Variants in C11orf65 observed in about 807,000 individuals in gnomAD.
C11orf65 encodes chromosome 11 open reading frame 65.
A neutral mutation model predicts 35.3 loss-of-function variants in C11orf65; 38 were observed. The ratio of observed to expected loss-of-function variants is 1.08; its 90% CI spans 0.83 to 1.41. The LOEUF (loss-of-function observed/expected upper bound fraction) is 1.41, where lower values mean the gene tolerates loss of function less well. Among genes scored for constraint, C11orf65 ranks in the 40% most tolerant of loss-of-function variants. The pLI, the probability that C11orf65 is intolerant of heterozygous loss-of-function variation, is 0.00. For missense variants in C11orf65, 370 were observed against 367.1 expected, an observed-to-expected ratio of 1.01 and a Z score of -0.06; for synonymous variants, 105 against 114.4, an observed-to-expected ratio of 0.92 and a Z score of 0.53.
downstream of C11orf65, chr11:108,330,155 T>A (rs2086102318): frequency 2.6e-6 from 4 of 1,547,348 alleles, no homozygotes; most frequent in Non-Finnish European, 3.5e-6. Flanking sequence ...TCATGTGTGA[T>A]TTTGTAGTTC....
intron 3 of C11orf65, among the ~76,000 whole-genome samples, chr11:108,429,012 T>C (rs560411989): frequency 2.8e-4 from 43 of 152,160 alleles, no homozygotes; most frequent in African/African-American, 1.0e-3. Flanking sequence ...CTGGGCATGG[T>C]GGCATGTGCC....
chr11:108,336,041 A>C (rs2086816780), intron 2 of C11orf65: 1 of 1,096,174 alleles, frequency 9.1e-7, no homozygotes, highest in African/African-American at 1.6e-5. Flanking sequence ...TCATGCCCAT[A>C]TTCATAATGC....
chr11:108,452,253 C>T (rs1238544709), intron 2 of C11orf65, among the ~76,000 whole-genome samples: 2 of 151,966 alleles, frequency 1.3e-5, no homozygotes, highest in African/African-American at 4.8e-5. Flanking sequence ...TCCAATCTAC[C>T]CATATGACAA....
chr11:108,463,594 A>G (rs10890845), intron 1 of C11orf65, among the ~76,000 whole-genome samples: 32,819 of 152,058 alleles, frequency 0.22, 4,258 homozygotes, highest in African/African-American at 0.36. Context: ...TCTTAGCTGC[A>G]TGATTTTGCC....
chr11:108,366,580 A>C (rs2091344143), intron 2 of C11orf65: 1 of 229,876 alleles, frequency 4.4e-6, no homozygotes, highest in Non-Finnish European at 8.6e-6. Context: ...TATCTATGGG[A>C]ATCTTGAGTG....
chr11:108,461,062 T>C (rs1314462217), intron 2 of C11orf65, among the ~76,000 whole-genome samples: 1 of 151,026 alleles, frequency 6.6e-6, no homozygotes, highest in Non-Finnish European at 1.5e-5. Context: ...TGGCACACAA[T>C]TCTGCAAGTA....
At chr11:108,391,901 T>C (rs1324463237) in intron 7 of C11orf65, among the ~76,000 whole-genome samples, 1 of 152,172 alleles carries the variant, frequency 6.6e-6, no homozygotes, top group Non-Finnish European at 1.5e-5. Flanking sequence ...TGTTATGGCA[T>C]AGATCAGAAC....
downstream of C11orf65, chr11:108,329,105 C>A (rs149827260): frequency 6.2e-7 from 1 of 1,614,020 alleles, no homozygotes; most frequent in Non-Finnish European, 8.5e-7. Flanking sequence ...CTCATTAGCC[C>A]GGTTTTCAGA....
chr11:108,433,032 G>C (rs2093011603), intron 2 of C11orf65, among the ~76,000 whole-genome samples: 1 of 152,036 alleles, frequency 6.6e-6, no homozygotes, highest in African/African-American at 2.4e-5. Context: ...AGCTGGAGTT[G>C]AGTGATTTAA....
intron 3 of C11orf65, among the ~76,000 whole-genome samples, chr11:108,421,320 A>C (rs2092812761): frequency 6.6e-6 from 1 of 152,170 alleles, no homozygotes; most frequent in Admixed American, 6.5e-5. Context: ...AAATAAAGGG[A>C]AACTCTGTGC....
chr11:108,452,256 T>C (rs1186935925), intron 2 of C11orf65, among the ~76,000 whole-genome samples: 1 of 152,120 alleles, frequency 6.6e-6, no homozygotes, highest in East Asian at 1.9e-4. Context: ...AATCTACCCA[T>C]ATGACAAAGG....
intron 3 of C11orf65, among the ~76,000 whole-genome samples, chr11:108,409,000 T>C (rs1049624026): frequency 1.3e-4 from 20 of 152,276 alleles, no homozygotes; most frequent in African/African-American, 3.9e-4. Flanking sequence ...ACATATTTTC[T>C]ATATTTGAGC....
At chr11:108,399,631 G>A (rs1303151721) in intron 6 of C11orf65, among the ~76,000 whole-genome samples, 7 of 152,176 alleles carry the variant, frequency 4.6e-5, no homozygotes, top group Admixed American at 1.3e-4. Context: ...GCAATGCAGC[G>A]TAAGTAGTGG....
intron 2 of C11orf65, among the ~76,000 whole-genome samples, chr11:108,364,256 G>C (rs1031712812): frequency 6.6e-6 from 1 of 152,164 alleles, no homozygotes; most frequent in Non-Finnish European, 1.5e-5. Flanking sequence ...ATGCCCTGTA[G>C]AATCATTCTT....
At chr11:108,367,735 A>G (rs1161857448) in intron 2 of C11orf65, 1 of 216,192 alleles carries the variant, frequency 4.6e-6, no homozygotes, top group East Asian at 7.0e-5. Context: ...CCTAAAACCA[A>G]TCTCCAGAAC....
At chr11:108,446,581 C>G (rs2093262871) in intron 2 of C11orf65, among the ~76,000 whole-genome samples, 1 of 152,018 alleles carries the variant, frequency 6.6e-6, no homozygotes, top group African/African-American at 2.4e-5. Flanking sequence ...CAAGCAAATT[C>G]TGAGACATTT....
upstream of C11orf65, among the ~76,000 whole-genome samples, chr11:108,469,511 C>A (rs1349201924): frequency 6.6e-6 from 1 of 151,068 alleles, no homozygotes; most frequent in Admixed American, 6.6e-5. Flanking sequence ...CATAATTAAA[C>A]ATAATGGCAA....
In C11orf65 at chr11:108,345,752, A is replaced by C. The variant is rs730881325; in HGVS notation, c.227-10460T>G. On this transcript the variant is annotated intron_variant, in intron 2 of 3. Transcript: ENST00000524755. ...TATTCTCTATTTAAAGGAGGTGCAA[A>C]AAAAGTCTTTTGAAGAGAAATATGA... The C allele has an allele frequency of 3.1e-5, 50 of 1,610,722 alleles. No individual in the cohort carries two copies. Among genetic ancestry groups the C allele is most frequent in the Non-Finnish European group, 3.9e-5 (46 of 1,177,956 alleles).
chr11:108,446,690 A>G (rs1725655544), intron 2 of C11orf65, among the ~76,000 whole-genome samples: 1 of 152,198 alleles, frequency 6.6e-6, no homozygotes, highest in Non-Finnish European at 1.5e-5. Flanking sequence ...GCCAAAATGT[A>G]AAGACCATCA....
Sources: allele counts gnomAD v4.1 joint callset (sites outside exome capture counted in the v4.1 genomes callset), GRCh38; gene constraint gnomAD v4.1.1; transcripts MANE v1.5; gene names NCBI Gene and HGNC (gene_info 2026-07-23, HGNC 2026-07-21).